TXNDC16: variants seen among roughly 807,000 people sequenced by gnomAD.
TXNDC16 encodes the protein thioredoxin domain-containing protein 16.
Under a neutral mutation model 85.6 loss-of-function variants are expected in TXNDC16, and 74 were observed. The observed-to-expected ratio is 0.86, with a 90% CI of 0.72 to 1.05. TXNDC16 has a LOEUF of 1.05. TXNDC16 is among the 50% of genes least tolerant of loss of function. TXNDC16 has a pLI of 0.00. For synonymous variants in TXNDC16, 335 were observed against 326.5 expected, an observed-to-expected ratio of 1.03 and a Z score of -0.28; for missense variants, 959 against 947.0, an observed-to-expected ratio of 1.01 and a Z score of -0.17.
intron 9 of TXNDC16, among the ~76,000 whole-genome samples, chr14:52,503,107 A>C (rs546240279): frequency 6.6e-6 from 1 of 152,352 alleles, no homozygotes; most frequent in African/African-American, 2.4e-5. Flanking sequence ...AGCCCACCAC[A>C]GCTCAAGGAG....
At position 52,461,284 on chromosome 14, in the gene TXNDC16, T is replaced by C. The variant is rs1223539911; in HGVS notation, c.1619-4110A>G. Reference sequence around the variant, plus strand: ...TAGAAATTAATTTTGAACTGTTTTATATCAATATTTGTAGATGAAAATCAT... The same window carrying C: ...TAGAAATTAATTTTGAACTGTTTTACATCAATATTTGTAGATGAAAATCAT... On this transcript the variant is annotated intron_variant, in intron 16 of 20. Coordinates refer to ENST00000281741, the MANE Select transcript of TXNDC16 (RefSeq NM_020784.3). 7.2e-5 allele frequency among the ~76,000 whole-genome samples: 11 copies of C among 152,140 alleles called. No homozygotes were observed. The South Asian group carries it at 2.3e-3, about 32-fold the overall frequency.
chr14:52,495,322 T>C (rs1347966825), intron 9 of TXNDC16, among the ~76,000 whole-genome samples: 2 of 152,194 alleles, frequency 1.3e-5, no homozygotes. Flanking sequence ...TTTTATGGGC[T>C]TCTCCTCAGG....
chr14:52,498,141 A>G (rs1416806569), intron 9 of TXNDC16, among the ~76,000 whole-genome samples: 2 of 152,198 alleles, frequency 1.3e-5, no homozygotes, highest in African/African-American at 4.8e-5. Flanking sequence ...AACAGAAATA[A>G]ATTACCTCAA....
intron 5 of TXNDC16, 75 bp downstream of exon 5, chr14:52,537,524 G>A (rs2140223377): frequency 1.8e-6 from 2 of 1,099,114 alleles, no homozygotes; most frequent in Non-Finnish European, 2.7e-6. Flanking sequence ...TTCTAGCTCA[G>A]TGATATTTTA....
At chr14:52,432,632 A>T (rs1419119655) in intron 20 of TXNDC16, 45 bp from the exon 21 acceptor site, 1 of 1,489,104 alleles carries the variant, frequency 6.7e-7, no homozygotes, top group Admixed American at 2.2e-5. Context: ...ACAGCTATAA[A>T]TCGTCACATC....
At chr14:52,481,381 T>C (rs2036147547) in intron 14 of TXNDC16, among the ~76,000 whole-genome samples, 1 of 152,142 alleles carries the variant, frequency 6.6e-6, no homozygotes, top group African/African-American at 2.4e-5. Context: ...AATGGTACAC[T>C]TAGGGTTGAG....
rs79105491 is a variant in TXNDC16, at chr14:52,535,553, T to C, written c.392+1166A>G. On this transcript the variant is annotated intron_variant, in intron 6 of 20. Transcript: ENST00000281741. ...CAGCCAATGTCAGCAAAGGTCTTAGTGGACAACAGGCTTATAACATTAAAT... is the reference window on the plus strand; with the variant it reads ...CAGCCAATGTCAGCAAAGGTCTTAGCGGACAACAGGCTTATAACATTAAAT... Among the ~76,000 whole-genome samples, 20 of 152,246 alleles carry C rather than the reference T, an allele frequency of 1.3e-4. No homozygotes were observed. In the East Asian group the frequency reaches 3.5e-3, roughly 26 times the overall value.
chr14:52,513,747 G>A (rs571550312), intron 8 of TXNDC16, among the ~76,000 whole-genome samples: 1 of 151,298 alleles, frequency 6.6e-6, no homozygotes, highest in East Asian at 1.9e-4. Flanking sequence ...TAAATAATAG[G>A]ACCTATACCT....
chr14:52,502,780 G>C (rs755911723), intron 9 of TXNDC16, among the ~76,000 whole-genome samples: 1 of 152,182 alleles, frequency 6.6e-6, no homozygotes, highest in Non-Finnish European at 1.5e-5. Context: ...GTGACGCATC[G>C]CATCACCCAG....
At chr14:52,455,267 C>A (rs1267985472) in intron 18 of TXNDC16, 57 bp downstream of exon 18, 26 of 1,598,354 alleles carry the variant, frequency 1.6e-5, no homozygotes, top group Non-Finnish European at 2.0e-5. Context: ...ACATATACTA[C>A]CTTTGACTGA....
chr14:52,526,381 G>A (rs1404592693), intron 6 of TXNDC16, among the ~76,000 whole-genome samples: 1 of 152,090 alleles, frequency 6.6e-6, no homozygotes, highest in African/African-American at 2.4e-5. Context: ...AATATGTTCA[G>A]TTTTTGTGAA....
chr14:52,445,681 G>C (rs1179781302), intron 18 of TXNDC16, among the ~76,000 whole-genome samples: 6 of 152,116 alleles, frequency 3.9e-5, no homozygotes, highest in African/African-American at 1.4e-4. Flanking sequence ...TGTTTTTACT[G>C]TACCTTTTCT....
chr14:52,463,445 A>C (rs867727565), intron 16 of TXNDC16, among the ~76,000 whole-genome samples: 35 of 152,192 alleles, frequency 2.3e-4, no homozygotes, highest in African/African-American at 8.2e-4. Flanking sequence ...ATAGAGTTTA[A>C]CCGATCAAAG....
intron 9 of TXNDC16, among the ~76,000 whole-genome samples, chr14:52,508,566 G>C (rs570988630): frequency 6.6e-6 from 1 of 152,136 alleles, no homozygotes; most frequent in Non-Finnish European, 1.5e-5. Context: ...CCATTACTGG[G>C]TATATACCCA....
At chr14:52,546,459 C>T (rs76061784) in intron 1 of TXNDC16, among the ~76,000 whole-genome samples, 13,126 of 152,194 alleles carry the variant, frequency 0.086, 626 homozygotes, top group East Asian at 0.14. Flanking sequence ...CATCCTCCAC[C>T]TCTGGGGGAG....
At chr14:52,449,295 G>A (rs779280808) in intron 18 of TXNDC16, among the ~76,000 whole-genome samples, 5 of 152,084 alleles carry the variant, frequency 3.3e-5, no homozygotes, top group East Asian at 1.9e-4. Flanking sequence ...AGCAGGAGTC[G>A]TTATACTGAT....
chr14:52,503,999 AT>A (rs1288167603), intron 9 of TXNDC16, among the ~76,000 whole-genome samples: 1 of 152,226 alleles, frequency 6.6e-6, no homozygotes, highest in African/African-American at 2.4e-5. Flanking sequence ...AATGAATGAA[AT>A]GAAGCGAGAA....
rs543025391 is a variant in TXNDC16, at chr14:52,543,572, G to A, written c.-15C>T. ...CCGGAAAACATTATCAGCTGCAGTT[G>A]TATCTGAGCGGATTTTGTCTGTTTT... On this transcript the variant is annotated 5_prime_UTR_variant, in exon 3 of 21. Transcript: ENST00000281741. The A allele has an allele frequency of 1.9e-6, 3 of 1,611,702 alleles. No individual in the cohort carries two copies. The highest frequency in any genetic ancestry group is 1.7e-5 in the Admixed American group (1 of 59,642).
chr14:52,475,920 T>A (rs925185480), intron 14 of TXNDC16, among the ~76,000 whole-genome samples: 5 of 151,506 alleles, frequency 3.3e-5, no homozygotes, highest in Admixed American at 2.6e-4. Context: ...CCTCACAGAG[T>A]CCATTTAGCC....
Sources: allele counts gnomAD v4.1 joint callset (sites outside exome capture counted in the v4.1 genomes callset), GRCh38; gene constraint gnomAD v4.1.1; transcripts MANE v1.5; gene names NCBI Gene and HGNC (gene_info 2026-07-23, HGNC 2026-07-21).